ADGRF4: variants seen among roughly 807,000 people sequenced by gnomAD.
ADGRF4 encodes adhesion G protein-coupled receptor F4.
In ADGRF4, 63 loss-of-function variants were observed where a neutral mutation model predicts 58.5. The observed-to-expected ratio is 1.08, with a 90% CI of 0.88 to 1.33. ADGRF4 has a LOEUF of 1.33. Ranked by LOEUF, ADGRF4 falls within the 40% of genes most tolerant of loss-of-function variation. The pLI is 0.00. For synonymous variants in ADGRF4, 313 were observed against 295.4 expected (o/e 1.06, Z -0.61); for missense variants, 931 against 843.9 (o/e 1.10, Z -1.28).
intron 2 of ADGRF4, among the ~76,000 whole-genome samples, chr6:47,707,852 G>A (rs1771757115): frequency 6.6e-6 from 1 of 152,118 alleles, no homozygotes; most frequent in Non-Finnish European, 1.5e-5. Context: ...AGTATCTGGT[G>A]GACCACATTA....
At chr6:47,718,674 T>A (rs2113909703) in intron 9 of ADGRF4, among the ~76,000 whole-genome samples, 1 of 152,278 alleles carries the variant, frequency 6.6e-6, no homozygotes, top group African/African-American at 2.4e-5. Context: ...ACCAAACCCA[T>A]CACACCTGCT....
intron 5 of ADGRF4, among the ~76,000 whole-genome samples, chr6:47,713,005 T>A (rs1383668444): frequency 6.6e-6 from 1 of 152,180 alleles, no homozygotes; most frequent in South Asian, 2.1e-4. Flanking sequence ...GCGAACATTA[T>A]CACCTGGGCT....
intron 9 of ADGRF4, among the ~76,000 whole-genome samples, chr6:47,719,815 G>A (rs1230580064): frequency 6.6e-6 from 1 of 152,212 alleles, no homozygotes; most frequent in East Asian, 1.9e-4. Context: ...GGTTGGGGAT[G>A]TACAAAGGAG....
intron 7 of ADGRF4, 54 bp from the exon 8 acceptor site, chr6:47,717,238 C>A: frequency 1.6e-6 from 2 of 1,264,918 alleles, no homozygotes; most frequent in South Asian, 1.2e-5. Flanking sequence ...ACAGGCAATT[C>A]TGTTGTTTCT....
intron 3 of ADGRF4, among the ~76,000 whole-genome samples, chr6:47,709,566 A>C (rs1356806605): frequency 6.6e-6 from 1 of 152,248 alleles, no homozygotes; most frequent in Admixed American, 6.5e-5. Context: ...TGGGTCATAC[A>C]GACACTAAAA....
Position 47,714,580 on chromosome 6 carries a change from T to A in ADGRF4, c.1335T>A (p.Asn445Lys). The A allele has an allele frequency of 6.2e-7, 1 of 1,614,178 alleles. No homozygotes were observed. Among genetic ancestry groups the A allele is most frequent in the Non-Finnish European group, 8.5e-7 (1 of 1,180,032 alleles). Residue 445 changes from asparagine to lysine, a missense_variant, in exon 6 of 10, where the codon AAT becomes AAA. By Grantham distance (94) the Asn-to-Lys change is moderately conservative. Transcript: ENST00000283303. Reference protein sequence around the residue: ...ISYMRHVCIVNIAVSLLTANV... With the variant: ...ISYMRHVCIVKIAVSLLTANV... ...ACATGCGTCACGTGTGCATCGTGAA[T>A]ATAGCAGTGTCCCTTCTGACTGCCA...
rs147803886 is a variant in ADGRF4 at position 47,707,619 on chromosome 6, A to G, written c.93+281A>G. Among the ~76,000 whole-genome samples the G allele has an allele frequency of 3.2e-4, 48 of 152,354 alleles. 1 individual carries two copies. In the East Asian group the frequency reaches 8.1e-3, roughly 26 times the overall value. Reference sequence around the variant, plus strand: ...TGAGAGAAGAAAGTACTCACCTGGCAGTTGAACAATGGAGAGTCAGATCTT... The same window carrying G: ...TGAGAGAAGAAAGTACTCACCTGGCGGTTGAACAATGGAGAGTCAGATCTT... On this transcript the variant is annotated intron_variant, in intron 2 of 9. Transcript: ENST00000283303.
Position 47,712,512 on chromosome 6 carries a change from A to G in ADGRF4, c.456A>G (p.Ser152=), listed in dbSNP as rs1303025547. 2.9e-5 allele frequency: 46 copies of G among 1,613,754 alleles called. No individual in the cohort carries two copies. Among genetic ancestry groups the G allele is most frequent in the Non-Finnish European group, 3.8e-5 (45 of 1,179,712 alleles). The part of the protein sequence containing the change: ...DYACITDMVK[S]SETTSGNIAF... ...CCTGCATCACTGACATGGTGAAATC[A>G]TCAGAAACAACATCTGGAAATATTG... Residue 152 remains serine, a synonymous_variant, in exon 5 of 10, where the codon TCA becomes TCG. Coordinates refer to ENST00000283303, the MANE Select transcript of ADGRF4 (RefSeq NM_153838.5).
rs1234532664 is a variant in ADGRF4 at position 47,715,116 on chromosome 6, C to G, written c.1871C>G (p.Thr624Ser). Residue 624 changes from threonine (T) to serine (S), a missense_variant, in exon 6 of 10, where the codon ACT becomes AGT. Thr to Ser is a moderately conservative substitution (Grantham distance 58, BLOSUM62 1). Transcript: ENST00000283303. ...LGLTWGFGIATLIEGTSLTFH... is the reference protein window; with the variant it reads ...LGLTWGFGIASLIEGTSLTFH... ...CTGACCTGGGGTTTTGGAATAGCCA[C>G]TCTCATAGAAGGCACTTCCTTGACG... is the stretch of plus-strand genomic sequence containing the variant. The G allele has an allele frequency of 1.9e-6, 3 of 1,605,234 alleles. No individual in the cohort carries two copies. In the South Asian group the frequency reaches 3.3e-5, roughly 18 times the overall value.
intron 3 of ADGRF4, among the ~76,000 whole-genome samples, chr6:47,710,075 C>A (rs914738869): frequency 9.2e-5 from 14 of 152,210 alleles, no homozygotes; most frequent in African/African-American, 3.4e-4. Context: ...AATAAGGTAT[C>A]TTTATATAGA....
At chr6:47,700,375 T>C (rs1419323998) in intron 1 of ADGRF4, among the ~76,000 whole-genome samples, 1 of 152,180 alleles carries the variant, frequency 6.6e-6, no homozygotes, top group East Asian at 1.9e-4. Context: ...CTGGCATGTT[T>C]CAGAAAGAAG....
At position 47,712,333 on chromosome 6, in the gene ADGRF4, T is replaced by C. The variant is rs371178493; in HGVS notation, c.301-24T>C. On this transcript the variant is annotated intron_variant, in intron 4 of 9. Transcript: ENST00000283303. ...TGGTAGGTACTTAATCATTTTTGAA[T>C]GAAACTACATTTGTTTTAAACAGGA... 2.5e-6 allele frequency: 4 copies of C among 1,610,574 alleles called. No individual in the cohort carries two copies. The African/African-American group carries it at 5.3e-5, about 21-fold the overall frequency.
Position 47,714,167 on chromosome 6 carries a change from C to A in ADGRF4, c.922C>A (p.Gln308Lys), listed in dbSNP as rs1023271578. 1.9e-6 allele frequency: 3 copies of A among 1,613,854 alleles called. No individual in the cohort carries two copies. The highest frequency in any genetic ancestry group is 1.3e-5 in the African/African-American group (1 of 75,020). The change falls in exon 6 of 10, where the codon CAA becomes AAA. Residue 308 changes from glutamine to lysine, a missense_variant. By Grantham distance (53) the Gln-to-Lys change is moderately conservative. Coordinates refer to ENST00000283303, the MANE Select transcript of ADGRF4 (RefSeq NM_153838.5). ...GGCTATCCTGAGAGAAGCCCACTTGCAAAATGTGAGTCTTCCCAGACAGGT... is the reference window on the plus strand; with the variant it reads ...GGCTATCCTGAGAGAAGCCCACTTGAAAAATGTGAGTCTTCCCAGACAGGT... ...LGAILREAHL[Q>K]NVSLPRQVNG... is the part of the protein sequence containing the mutation.
In ADGRF4 at chr6:47,712,424, G is replaced by A. The variant is rs772794418; in HGVS notation, c.368G>A (p.Arg123Gln). Reference protein sequence around the residue: ...PSIPLHILDFRAPETIESVAQ... With the variant: ...PSIPLHILDFQAPETIESVAQ... ...ATACCTCTGCATATTCTAGACTTTC[G>A]AGCTCCAGAGACCATTGAGAGTGTA... The change falls in exon 5 of 10, where the codon CGA becomes CAA. Residue 123 changes from arginine (R) to glutamine (Q), a missense_variant. Physicochemically the swap from Arg to Gln is conservative, Grantham distance 43. Coordinates refer to ENST00000283303, the MANE Select transcript of ADGRF4 (RefSeq NM_153838.5). 25 of 1,613,706 alleles carry A rather than the reference G, an allele frequency of 1.5e-5. No individual in the cohort carries two copies. Among genetic ancestry groups the A allele is most frequent in the African/African-American group, 2.7e-5 (2 of 74,858 alleles).
At position 47,714,378 on chromosome 6, in the gene ADGRF4, G is replaced by T. The variant is rs761331347; in HGVS notation, c.1133G>T (p.Cys378Phe). 5 of 1,614,198 alleles carry T rather than the reference G, an allele frequency of 3.1e-6. 1 individual carries two copies. The South Asian group carries it at 5.5e-5, about 18-fold the overall frequency. The change falls in exon 6 of 10, where the codon TGT becomes TTT. Residue 378 changes from cysteine (C) to phenylalanine (F), a missense_variant. Cys to Phe is a radical substitution (Grantham distance 205). Transcript: ENST00000283303. ...ATCAGGAACGAAGTGAAATGCCGCT[G>T]TAACTACACCAGTGTGGTGATGTCT... ...LDIRNEVKCR[C>F]NYTSVVMSFS...
intron 1 of ADGRF4, among the ~76,000 whole-genome samples, chr6:47,700,044 C>A (rs746218816): frequency 6.6e-6 from 1 of 151,972 alleles, no homozygotes; most frequent in African/African-American, 2.4e-5. Context: ...GAGTAAGAGG[C>A]GAATTGCCAC....
chr6:47,718,417 C>G lies in ADGRF4; in HGVS notation c.2063C>G (p.Ser688Cys), dbSNP rs115896656. 1.3e-3 allele frequency: 2,125 copies of G among 1,579,916 alleles called. 20 individuals are homozygous for G. The highest frequency in any genetic ancestry group is 0.013 in the African/African-American group (957 of 74,152). The change falls in exon 9 of 10, where the codon TCT becomes TGT. Residue 688 changes from serine (S) to cysteine (C), a missense_variant. Coordinates refer to ENST00000283303, the MANE Select transcript of ADGRF4 (RefSeq NM_153838.5). ...ENASLGPTNGSKLMNRQG is the reference protein window; with the variant it reads ...ENASLGPTNGCKLMNRQG Reference sequence around the variant, plus strand: ...GCATCACTAGGCCCAACCAATGGATCTAAATTAATGAATCGTCAAGGATGA... The same window carrying G: ...GCATCACTAGGCCCAACCAATGGATGTAAATTAATGAATCGTCAAGGATGA...
Position 47,714,373 on chromosome 6 carries a change from C to G in ADGRF4, c.1128C>G (p.Cys376Trp). Residue 376 changes from cysteine (C) to tryptophan (W), a missense_variant, in exon 6 of 10, where the codon TGC becomes TGG. By Grantham distance (215) the Cys-to-Trp change is radical. Transcript: ENST00000283303. ...TGGATATCAGGAACGAAGTGAAATG[C>G]CGCTGTAACTACACCAGTGTGGTGA... The part of the protein sequence containing the change: ...MMLDIRNEVK[C>W]RCNYTSVVMS... 6.2e-7 allele frequency: 1 copy of G among 1,614,080 alleles called. No individual in the cohort carries two copies. The highest frequency in any genetic ancestry group is 1.1e-5 in the South Asian group (1 of 91,058).
chr6:47,715,284 C>A, intron 6 of ADGRF4, 107 bp downstream of exon 6: 1 of 841,626 alleles, frequency 1.2e-6, no homozygotes, highest in Non-Finnish European at 1.9e-6. Context: ...CTTCCTTTTA[C>A]ATCTTAGGGT....
Sources: gnomAD v4.1 joint callset for allele counts (sites outside exome capture counted in the v4.1 genomes callset) on GRCh38, gnomAD v4.1.1 for gene constraint, MANE v1.5 for transcripts, NCBI Gene and HGNC (gene_info 2026-07-23, HGNC 2026-07-21) for gene names.